Variants in TVP23A observed in about 807,000 individuals in gnomAD.
TVP23A encodes Golgi apparatus membrane protein TVP23 homolog A.
A neutral mutation model predicts 31.7 loss-of-function variants in TVP23A; 21 were observed. The observed-to-expected ratio is 0.66, with a 90% confidence interval of 0.47 to 0.95. TVP23A has a LOEUF of 0.95. Ranked by LOEUF, TVP23A falls within the 40% of genes least tolerant of loss-of-function variation. The pLI, the probability that TVP23A is intolerant of heterozygous loss-of-function variation, is 0.00. For missense variants in TVP23A, 279 were observed against 255.6 expected, an observed-to-expected ratio of 1.09 and a Z score of -0.62; for synonymous variants, 104 against 96.0, an observed-to-expected ratio of 1.08 and a Z score of -0.49.
At chr16:10,757,817 T>C, downstream of TVP23A, 2 of 1,570,830 alleles carry the variant, frequency 1.3e-6, no homozygotes, top group South Asian at 2.3e-5. This position sits in a 1 kb window ranked among gnomAD's most constrained non-coding sequence, Gnocchi z 4.1. Context: ...AAGAGGGAGT[T>C]GAAAGTACAG....
At position 10,818,167 on chromosome 16, in the gene TVP23A, T is replaced by C. The variant is rs758698579; in HGVS notation, c.25A>G (p.Thr9Ala). The C allele has an allele frequency of 1.2e-6, 2 of 1,606,678 alleles. No homozygotes were observed. Among genetic ancestry groups the C allele is most frequent in the Non-Finnish European group, 1.7e-6 (2 of 1,176,800 alleles). The part of the protein sequence containing the change: MKQALVDD[T>A]EDVSLDFGNE... The stretch of plus-strand genomic sequence containing the variant: ...CCAAAGTCCAGGGACACATCCTCGG[T>C]ATCGTCCACCAGGGCCTGGGAGGAG... Residue 9 changes from threonine to alanine, a missense_variant, in exon 2 of 8, where the codon ACC becomes GCC. Physicochemically the swap from Thr to Ala is moderately conservative, Grantham distance 58 (BLOSUM62 0). Coordinates refer to ENST00000299866, the MANE Select transcript of TVP23A (RefSeq NM_001079512.4). This position sits in a 1 kb window ranked among gnomAD's most constrained non-coding sequence, Gnocchi z 4.7.
chr16:10,772,506 A>AT (rs1367623138), intron 5 of TVP23A, among the ~76,000 whole-genome samples: 12 of 151,974 alleles, frequency 7.9e-5, no homozygotes, highest in African/African-American at 2.9e-4. Context: ...AGTAGCTGAG[A>AT]TTACAGGCGT....
Position 10,768,248 on chromosome 16 carries a change from A to G in TVP23A, c.*854T>C. ...AAAAAACATGGTGAGGGTGAAATTT[A>G]TGGCTTAGGAAATACATCCCAATAA... On this transcript the variant is annotated 3_prime_UTR_variant, in exon 8 of 8. Coordinates refer to ENST00000299866, the MANE Select transcript of TVP23A (RefSeq NM_001079512.4). The surrounding 1 kb of genome is among the most constrained non-coding windows in gnomAD (Gnocchi z 4.3). The G allele has an allele frequency of 2.5e-6, 1 of 394,300 alleles. No individual in the cohort carries two copies. The highest frequency in any genetic ancestry group is 4.6e-6 in the Non-Finnish European group (1 of 219,000). The allele number at this position is 394,300 out of a possible 1,614,324, so 24.4% of individuals were successfully genotyped here.
chr16:10,777,794 G>C lies in TVP23A; in HGVS notation c.90-2698C>G, dbSNP rs949983188. On this transcript the variant is annotated intron_variant, in intron 2 of 7. Transcript: ENST00000299866. The surrounding 1 kb of genome is among the most constrained non-coding windows in gnomAD (Gnocchi z 4.5). ...TGGGAGGCTGAGGCAGGTGGATCAC[G>C]AGGTCAAGAGACTGAGACCATCCCT... Among the ~76,000 whole-genome samples the C allele has an allele frequency of 9.9e-5, 15 of 151,602 alleles. No individual in the cohort carries two copies. The highest frequency in any genetic ancestry group is 3.4e-4 in the African/African-American group (14 of 41,368).
chr16:10,797,187 G>GA (rs745422162), intron 2 of TVP23A, among the ~76,000 whole-genome samples: 4,491 of 137,456 alleles, frequency 0.033, 77 homozygotes, highest in Non-Finnish European at 0.053. Flanking sequence ...AGACCCTGTA[G>GA]AAAAAAAAAA....
chr16:10,762,034 C>T (rs114126197), downstream of TVP23A: 1,628 of 559,788 alleles, frequency 2.9e-3, 21 homozygotes, highest in African/African-American at 0.028. Flanking sequence ...GGAGAGAGGC[C>T]GAGACCCCTG....
chr16:10,818,508 C>A lies in TVP23A; in HGVS notation c.-15G>T. On this transcript the variant is annotated 5_prime_UTR_variant, in exon 1 of 8. Transcript: ENST00000299866. The surrounding 1 kb of genome is among the most constrained non-coding windows in gnomAD (Gnocchi z 4.7). ...ACCTGCTTCATCACCCTCCCAGGAG[C>A]CCACCTGGCGCCCAGGCCCGGGGCT... 6.2e-7 allele frequency: 1 copy of A among 1,602,854 alleles called. No individual in the cohort carries two copies. Among genetic ancestry groups the A allele is most frequent in the Non-Finnish European group, 8.5e-7 (1 of 1,178,408 alleles).
rs2032097626 is a variant in TVP23A, at chr16:10,777,286, A to G, written c.90-2190T>C. Reference sequence around the variant, plus strand: ...GAGAAGTCAGAAATCCAGACTTGCAATGGGAAATCTGATTTTAAATGATGG... The same window carrying G: ...GAGAAGTCAGAAATCCAGACTTGCAGTGGGAAATCTGATTTTAAATGATGG... On this transcript the variant is annotated intron_variant, in intron 2 of 7. Transcript: ENST00000299866. This position sits in a 1 kb window ranked among gnomAD's most constrained non-coding sequence, Gnocchi z 4.5. 6.6e-6 allele frequency among the ~76,000 whole-genome samples: 1 copy of G among 152,180 alleles called. No individual in the cohort carries two copies. Among genetic ancestry groups the G allele is most frequent in the African/African-American group, 2.4e-5 (1 of 41,450 alleles).
rs1429454226 is a variant in TVP23A, at chr16:10,774,019, C to T, written c.324+20G>A. On this transcript the variant is annotated intron_variant, in intron 4 of 7. Transcript: ENST00000299866. ...CCCATTATCCCCGCTCTGGTTAGTTCAGCTCGTCATGGAGAATACCTTCCT... is the reference window on the plus strand; with the variant it reads ...CCCATTATCCCCGCTCTGGTTAGTTTAGCTCGTCATGGAGAATACCTTCCT... 2 of 1,593,376 alleles carry T rather than the reference C, an allele frequency of 1.3e-6. No individual in the cohort carries two copies. The highest frequency in any genetic ancestry group is 1.7e-6 in the Non-Finnish European group (2 of 1,166,148).
chr16:10,795,801 G>C (rs895546028), intron 2 of TVP23A, among the ~76,000 whole-genome samples: 1 of 152,122 alleles, frequency 6.6e-6, no homozygotes. Context: ...AGAATTCAAG[G>C]ATGGAGGACT....
intron 2 of TVP23A, among the ~76,000 whole-genome samples, chr16:10,794,231 T>C (rs2033263582): frequency 6.6e-6 from 1 of 152,234 alleles, no homozygotes; most frequent in African/African-American, 2.4e-5. Context: ...AATCTCAACA[T>C]GCATTTTACA....
chr16:10,805,668 C>T (rs2033909795), intron 2 of TVP23A, among the ~76,000 whole-genome samples: 1 of 151,166 alleles, frequency 6.6e-6, no homozygotes, highest in Non-Finnish European at 1.5e-5. Context: ...GCTTTTTTAT[C>T]ACATTCCGCT....
intron 2 of TVP23A, among the ~76,000 whole-genome samples, chr16:10,812,764 G>A (rs1398373412): frequency 6.6e-6 from 1 of 152,100 alleles, no homozygotes; most frequent in Non-Finnish European, 1.5e-5. Context: ...TTGTTAAACG[G>A]CACAGAGTTT....
rs2034550401 is a variant in TVP23A at position 10,818,597 on chromosome 16, G to A, written c.-104C>T. On this transcript the variant is annotated 5_prime_UTR_variant, in exon 1 of 8. Coordinates refer to ENST00000299866, the MANE Select transcript of TVP23A (RefSeq NM_001079512.4). This position sits in a 1 kb window ranked among gnomAD's most constrained non-coding sequence, Gnocchi z 4.7. ...GGCGGGCGGATGTAGGCAGCAGACG[G>A]TGGACGCTGAGGGTCGGGGCCTGCG... 1 of 1,429,302 alleles carries A rather than the reference G, an allele frequency of 7.0e-7. No homozygotes were observed. Among genetic ancestry groups the A allele is most frequent in the South Asian group, 1.3e-5 (1 of 76,438 alleles). The allele number at this position is 1,429,302 out of a possible 1,614,324, so 88.5% of individuals were successfully genotyped here.
Position 10,775,134 on chromosome 16 carries a change from C to G in TVP23A, c.90-38G>C, listed in dbSNP as rs112032688. ...CCAGAAGGCGCCCTCACTCCAAGAG[C>G]TAAGCGGATGGTCACTGAACTCCCT... On this transcript the variant is annotated intron_variant, in intron 2 of 7. Coordinates refer to ENST00000299866, the MANE Select transcript of TVP23A (RefSeq NM_001079512.4). The G allele has an allele frequency of 6.8e-5, 108 of 1,582,536 alleles. No homozygotes were observed. In the African/African-American group the frequency reaches 1.2e-3, roughly 17 times the overall value.
chr16:10,816,099 C>T (rs1273790951), intron 2 of TVP23A, among the ~76,000 whole-genome samples: 1 of 152,044 alleles, frequency 6.6e-6, no homozygotes, highest in Non-Finnish European at 1.5e-5. Context: ...ATGGTGGCAA[C>T]ACCTATAGTC....
chr16:10,785,898 C>T (rs111479821), intron 2 of TVP23A, among the ~76,000 whole-genome samples: 6,211 of 152,220 alleles, frequency 0.041, 150 homozygotes, highest in South Asian at 0.06. Context: ...TTGTCACCAC[C>T]GGACTTTGGG....
At chr16:10,763,493 C>T (rs1381473818), downstream of TVP23A, 2 of 152,266 alleles carry the variant, frequency 1.3e-5, no homozygotes, top group East Asian at 3.9e-4. Flanking sequence ...CATGTGATTT[C>T]CCCAACAACA....
At chr16:10,761,664 CTTTTT>C in intron 8 of TVP23A, 1 of 914,796 alleles carries the variant, frequency 1.1e-6, no homozygotes, top group Non-Finnish European at 1.6e-6. Context: ...CAAACTAAGC[CTTTTT>C]TTTTTTTTTA....
Sources: gnomAD v4.1 joint callset for allele counts (sites outside exome capture counted in the v4.1 genomes callset) on GRCh38, gnomAD v4.1.1 for gene constraint, Gnocchi (gnomAD v3.1) non-coding constraint, MANE v1.5 for transcripts, NCBI Gene and HGNC (gene_info 2026-07-23, HGNC 2026-07-21) for gene names.